Variants in CACNG5 observed in about 807,000 individuals in gnomAD.
CACNG5 encodes calcium voltage-gated channel auxiliary subunit gamma 5.
CACNG5 carries 18 observed loss-of-function variants against 24.8 expected under a neutral mutation model. The observed-to-expected ratio is 0.73, with a 90% CI of 0.50 to 1.08. The LOEUF is 1.08. CACNG5 is among the 50% of genes least tolerant of loss of function. The pLI is 0.00. For missense variants in CACNG5, 349 were observed against 367.9 expected, an observed-to-expected ratio of 0.95 and a Z score of 0.42; for synonymous variants, 157 against 149.1, an observed-to-expected ratio of 1.05 and a Z score of -0.39.
At chr17:66,838,234 C>T (rs1401675387) in intron 1 of CACNG5, among the ~76,000 whole-genome samples, 2 of 151,768 alleles carry the variant, frequency 1.3e-5, no homozygotes, top group African/African-American at 4.8e-5. Context: ...TCACTCCCCT[C>T]GCCCTTTCTT....
chr17:66,880,356 C>T (rs1483169420), intron 3 of CACNG5, among the ~76,000 whole-genome samples: 1 of 152,172 alleles, frequency 6.6e-6, no homozygotes, highest in East Asian at 1.9e-4. Context: ...TCAGACCTTC[C>T]GGGCCCACCT....
At chr17:66,879,187 G>C (rs1355770098) in intron 3 of CACNG5, 129 bp downstream of exon 3, 1 of 613,574 alleles carries the variant, frequency 1.6e-6, no homozygotes, top group South Asian at 2.2e-5. Flanking sequence ...GTGCTGTCCT[G>C]TTAATTAGAG....
intron 1 of CACNG5, among the ~76,000 whole-genome samples, chr17:66,868,473 A>G (rs1416344414): frequency 1.3e-5 from 2 of 151,990 alleles, no homozygotes; most frequent in African/African-American, 4.8e-5. Flanking sequence ...GGCAATGCTC[A>G]CTCTCCAAAG....
chr17:66,859,992 T>C (rs1465973052), intron 1 of CACNG5, among the ~76,000 whole-genome samples: 1 of 152,196 alleles, frequency 6.6e-6, no homozygotes, highest in Non-Finnish European at 1.5e-5. Context: ...CTTGAATCTT[T>C]AGCTCACTTA....
At chr17:66,875,553 A>C (rs913400588) in intron 1 of CACNG5, among the ~76,000 whole-genome samples, 5 of 151,666 alleles carry the variant, frequency 3.3e-5, no homozygotes, top group Non-Finnish European at 5.9e-5. Flanking sequence ...AAACTCTGCC[A>C]CTCTCCTCCT....
chr17:66,865,068 C>T (rs1428127496), intron 1 of CACNG5, among the ~76,000 whole-genome samples: 4 of 152,108 alleles, frequency 2.6e-5, no homozygotes. Flanking sequence ...GATCGTTCAA[C>T]AGTAGTTTTA....
At chr17:66,859,980 G>T (rs1976832309) in intron 1 of CACNG5, among the ~76,000 whole-genome samples, 1 of 152,068 alleles carries the variant, frequency 6.6e-6, no homozygotes, top group Non-Finnish European at 1.5e-5. Context: ...AGGAGAAAAG[G>T]ACTTGAATCT....
rs1004139908 is a variant in CACNG5 at position 66,886,159 on chromosome 17, T to C, written c.*919T>C. On this transcript the variant is annotated 3_prime_UTR_variant, in exon 6 of 6. Coordinates refer to ENST00000533854, the MANE Select transcript of CACNG5 (RefSeq NM_145811.3). ...ATATTTCCGGACCAAGGCCCTAAGA[T>C]GGAATCTTGTAGACATCTGTCTAAA... 6.6e-6 allele frequency among the ~76,000 whole-genome samples: 1 copy of C among 152,184 alleles called. No homozygotes were observed. Among genetic ancestry groups the C allele is most frequent in the African/African-American group, 2.4e-5 (1 of 41,450 alleles).
rs1977092279 is a variant in CACNG5 at position 66,877,261 on chromosome 17, C to T, written c.-72C>T. Reference sequence around the variant, plus strand: ...GGGTACTGCCACCTGCTCACCCACTCTCCCTAGCCCCAGAGCGCAGTCCGT... The same window carrying T: ...GGGTACTGCCACCTGCTCACCCACTTTCCCTAGCCCCAGAGCGCAGTCCGT... On this transcript the variant is annotated 5_prime_UTR_variant, in exon 2 of 6. Coordinates refer to ENST00000533854, the MANE Select transcript of CACNG5 (RefSeq NM_145811.3). The T allele has an allele frequency of 2.2e-6, 3 of 1,346,816 alleles. No homozygotes were observed. The highest frequency in any genetic ancestry group is 1.3e-5 in the South Asian group (1 of 75,990). 83.4% of individuals were successfully genotyped at this position (1,346,816 alleles called of 1,614,324 possible).
rs201039570 is a variant in CACNG5 at position 66,884,672 on chromosome 17, T to C, written c.570+11T>C. On this transcript the variant is annotated intron_variant, in intron 5 of 5. Transcript: ENST00000533854. The stretch of plus-strand genomic sequence containing the variant: ...TTCCTTTTAACGGAGGTAAAGCCCG[T>C]CACCCTAAGTATGGATAGGCTGGGC... 12 of 1,614,152 alleles carry C rather than the reference T, an allele frequency of 7.4e-6. No homozygotes were observed. The African/African-American group carries it at 1.6e-4, about 22-fold the overall frequency.
intron 1 of CACNG5, among the ~76,000 whole-genome samples, chr17:66,864,067 A>G (rs1353056467): frequency 6.6e-6 from 1 of 152,190 alleles, no homozygotes; most frequent in Non-Finnish European, 1.5e-5. Context: ...ATCTTCCCCA[A>G]GGTAGGATTC....
At chr17:66,856,948 C>A (rs1300277047) in intron 1 of CACNG5, among the ~76,000 whole-genome samples, 4 of 150,708 alleles carry the variant, frequency 2.7e-5, no homozygotes, top group Non-Finnish European at 4.4e-5. Context: ...TTTGTCATTG[C>A]AAGAATGTTA....
rs1977387908 is a variant in CACNG5, at chr17:66,894,622, T to A, written c.*9382T>A. 6.6e-6 allele frequency among the ~76,000 whole-genome samples: 1 copy of A among 152,112 alleles called. No homozygotes were observed. Among genetic ancestry groups the A allele is most frequent in the African/African-American group, 2.4e-5 (1 of 41,428 alleles). On this transcript the variant is annotated 3_prime_UTR_variant, in exon 6 of 6. Coordinates refer to ENST00000533854, the MANE Select transcript of CACNG5 (RefSeq NM_145811.3). The stretch of plus-strand genomic sequence containing the variant: ...TTATTCATTCATTCATTTTTTTTCC[T>A]TCCCCCTCCACCCCATGAGCAACCA...
chr17:66,862,930 GTGTGTGTGTC>G (rs1334940422), intron 1 of CACNG5, among the ~76,000 whole-genome samples: 2 of 140,526 alleles, frequency 1.4e-5, no homozygotes, highest in African/African-American at 5.0e-5. Flanking sequence ...GTGTGTGTGT[GTGTGTGTGTC>G]TCAGTCTCAG....
chr17:66,884,460 A>G (rs1977216263), intron 4 of CACNG5, 56 bp from the exon 5 acceptor site: 2 of 1,541,366 alleles, frequency 1.3e-6, no homozygotes, highest in Non-Finnish European at 1.7e-6. Flanking sequence ...GTGCCACCTC[A>G]GCAAACTTCC....
chr17:66,844,693 TGAC>T (rs1976613037), intron 1 of CACNG5, among the ~76,000 whole-genome samples: 1 of 148,420 alleles, frequency 6.7e-6, no homozygotes, highest in East Asian at 2.0e-4. Context: ...GCTATGATGA[TGAC>T]AAGTTCCTAC....
At chr17:66,839,590 A>C (rs1223378518) in intron 1 of CACNG5, among the ~76,000 whole-genome samples, 2 of 150,980 alleles carry the variant, frequency 1.3e-5, no homozygotes, top group Non-Finnish European at 3.0e-5. Context: ...AGAGATGGGA[A>C]GGTGGGGAGA....
chr17:66,848,707 C>T (rs1976670333), intron 1 of CACNG5, among the ~76,000 whole-genome samples: 1 of 152,162 alleles, frequency 6.6e-6, no homozygotes, highest in Admixed American at 6.5e-5. Flanking sequence ...CTCCTTGGAC[C>T]TTCTCCCCCA....
intron 1 of CACNG5, among the ~76,000 whole-genome samples, chr17:66,868,670 G>A (rs1976962278): frequency 6.6e-6 from 1 of 152,128 alleles, no homozygotes; most frequent in South Asian, 2.1e-4. Context: ...CCAGTCTCCA[G>A]GTGACACATC....
Sources: allele counts gnomAD v4.1 joint callset (sites outside exome capture counted in the v4.1 genomes callset), GRCh38; gene constraint gnomAD v4.1.1; transcripts MANE v1.5; gene names NCBI Gene and HGNC (gene_info 2026-07-23, HGNC 2026-07-21).